The following TENM4 variants were observed in gnomAD, a reference collection of about 807,000 sequenced individuals.
TENM4 encodes the protein teneurin-4.
Under a neutral mutation model 243.3 loss-of-function variants are expected in TENM4, and 82 were observed. The ratio of observed to expected loss-of-function variants is 0.34; its 90% confidence interval spans 0.28 to 0.40. The LOEUF (loss-of-function observed/expected upper bound fraction) is 0.40. TENM4 is among the 10% of genes least tolerant of loss of function. The pLI is 1.00. For synonymous variants in TENM4, 1,412 were observed against 1,456.3 expected, an observed-to-expected ratio of 0.97 and a Z score of 0.69; for missense variants, 3,138 against 3,673.3, an observed-to-expected ratio of 0.85 and a Z score of 3.77.
Position 78,892,086 on chromosome 11 carries a change from C to A in TENM4, c.750-750G>T, listed in dbSNP as rs543841508. On this transcript the variant is annotated intron_variant, in intron 7 of 33. Transcript: ENST00000278550. ...AGGGACCTGGGTGATAACTGGCTAG[C>A]AAGGATGGAGCTCCACGGAAGACAA... Among the ~76,000 whole-genome samples, 217 of 152,254 alleles carry A rather than the reference C, an allele frequency of 1.4e-3. 2 individuals are homozygous for A. The highest frequency in any genetic ancestry group is 5.0e-3 in the African/African-American group (209 of 41,538).
intron 3 of TENM4, among the ~76,000 whole-genome samples, chr11:79,201,362 A>C (rs1271961829): frequency 7.9e-5 from 12 of 152,148 alleles, no homozygotes; most frequent in Admixed American, 7.9e-4. Flanking sequence ...TGGCTAGTCC[A>C]GCTCTGCCAT....
At chr11:79,209,741 C>T (rs1863922097) in intron 3 of TENM4, among the ~76,000 whole-genome samples, 1 of 152,204 alleles carries the variant, frequency 6.6e-6, no homozygotes, top group Admixed American at 6.5e-5. Flanking sequence ...CCGCTCCAAC[C>T]TCACCAGTCA....
intron 4 of TENM4, chr11:79,097,292 G>C (rs1164539944): frequency 6.6e-6 from 1 of 152,166 alleles, no homozygotes; most frequent in African/African-American, 2.4e-5. Flanking sequence ...TCTTTCCTTG[G>C]TTATGTTTTC....
intron 1 of TENM4, among the ~76,000 whole-genome samples, chr11:79,395,534 C>T (rs774744713): frequency 6.6e-6 from 1 of 152,178 alleles, no homozygotes; most frequent in Non-Finnish European, 1.5e-5. Context: ...CCCACTCAAT[C>T]GGTCACCAGC....
At chr11:79,127,614 T>C (rs1861908868) in intron 4 of TENM4, among the ~76,000 whole-genome samples, 1 of 152,226 alleles carries the variant, frequency 6.6e-6, no homozygotes, top group Non-Finnish European at 1.5e-5. Context: ...GTATATCAAC[T>C]CTCCAGCTTT....
intron 6 of TENM4, among the ~76,000 whole-genome samples, chr11:78,925,220 G>C (rs1856528300): frequency 6.6e-6 from 1 of 152,002 alleles, no homozygotes; most frequent in African/African-American, 2.4e-5. Context: ...CTTCAGAGTT[G>C]GATGTCTGAG....
chr11:79,214,020 C>CTA (rs1555028635), intron 3 of TENM4, among the ~76,000 whole-genome samples: 1 of 149,466 alleles, frequency 6.7e-6, no homozygotes, highest in African/African-American at 2.5e-5. Context: ...GAGGTGGAGT[C>CTA]TCTGTCTGTC....
At chr11:79,392,940 AAT>A (rs778004274) in intron 1 of TENM4, among the ~76,000 whole-genome samples, 7 of 152,278 alleles carry the variant, frequency 4.6e-5, no homozygotes, top group Middle Eastern at 6.8e-3. Context: ...CACAACTAAG[AAT>A]TTAGTGAGAA....
chr11:79,086,098 G>A (rs1284041743), intron 4 of TENM4, among the ~76,000 whole-genome samples: 1 of 152,220 alleles, frequency 6.6e-6, no homozygotes, highest in Non-Finnish European at 1.5e-5. Flanking sequence ...AAACTCTTGT[G>A]TAGTCCCCCA....
chr11:78,732,610 G>A, intron 20 of TENM4, 33 bp from the exon 21 acceptor site: 2 of 1,558,746 alleles, frequency 1.3e-6, no homozygotes, highest in Non-Finnish European at 1.7e-6. Context: ...GAAGGGGCGG[G>A]GAGCAGGAAG....
rs548328106 is a variant in TENM4 at position 79,117,564 on chromosome 11, G to A, written c.-66+31146C>T. ...TTCATCAAGCCTCCACTTCCCCTAA[G>A]GATTCTGGGGAATACTCTTCAACAA... On this transcript the variant is annotated intron_variant, in intron 4 of 33. Transcript: ENST00000278550. Among the ~76,000 whole-genome samples the A allele has an allele frequency of 5.3e-5, 8 of 152,288 alleles. 1 individual carries two copies. The South Asian group carries it at 1.7e-3, about 32-fold the overall frequency.
chr11:79,085,838 T>C (rs1214881754), intron 4 of TENM4, among the ~76,000 whole-genome samples: 1 of 152,214 alleles, frequency 6.6e-6, no homozygotes. Flanking sequence ...TACATGCTGT[T>C]TTGGCCAATT....
At chr11:79,321,858 CTGTT>C (rs998970986) in intron 1 of TENM4, among the ~76,000 whole-genome samples, 4 of 152,110 alleles carry the variant, frequency 2.6e-5, no homozygotes, top group African/African-American at 9.7e-5. Flanking sequence ...TTATCAATGA[CTGTT>C]TGGCCTGTCC....
chr11:78,753,627 T>A (rs1856240627), intron 19 of TENM4, among the ~76,000 whole-genome samples: 1 of 152,242 alleles, frequency 6.6e-6, no homozygotes. Flanking sequence ...TCCTTCCTGA[T>A]AGCTGTTTCT....
chr11:78,849,884 G>C (rs757738221), intron 12 of TENM4, among the ~76,000 whole-genome samples: 5 of 152,194 alleles, frequency 3.3e-5, no homozygotes, highest in Non-Finnish European at 5.9e-5. Flanking sequence ...AGTTCAGCTA[G>C]TGATATACAT....
intron 4 of TENM4, among the ~76,000 whole-genome samples, chr11:79,124,825 G>T (rs1370650834): frequency 1.5e-5 from 2 of 134,386 alleles, no homozygotes; most frequent in Non-Finnish European, 3.1e-5. Flanking sequence ...ATATGTATAT[G>T]TATGTGTGTG....
Position 78,672,245 on chromosome 11 carries a change from G to C in TENM4, c.5581C>G (p.Leu1861Val). Reference protein sequence around the residue: ...KIYDDHRKFTLRILYDQAGRP... With the variant: ...KIYDDHRKFTVRILYDQAGRP... ...CCCGCCTGGTCGTACAGAATCCGAAGGGTGAACTTGCGGTGGTCATCATAG... is the reference window on the plus strand; with the variant it reads ...CCCGCCTGGTCGTACAGAATCCGAACGGTGAACTTGCGGTGGTCATCATAG... The change falls in exon 31 of 34, where the codon CTT (leucine) becomes GTT (valine). Residue 1861 changes from leucine to valine, a missense_variant. Physicochemically the swap from Leu to Val is conservative, Grantham distance 32. Around this residue, in one of 2 missense-constraint regions of TENM4, gnomAD observed 2,467 missense variants for 3,059.1 expected, o/e 0.81. Coordinates refer to ENST00000278550, the MANE Select transcript of TENM4 (RefSeq NM_001098816.3). The C allele has an allele frequency of 6.2e-7, 1 of 1,614,078 alleles. No homozygotes were observed. Among genetic ancestry groups the C allele is most frequent in the Non-Finnish European group, 8.5e-7 (1 of 1,179,910 alleles).
chr11:79,235,954 G>C lies in TENM4; in HGVS notation c.-264-20045C>G, dbSNP rs111507163. Among the ~76,000 whole-genome samples, 1,004 of 152,060 alleles carry C rather than the reference G, an allele frequency of 6.6e-3. 10 individuals are homozygous for C. Among genetic ancestry groups the C allele is most frequent in the African/African-American group, 0.022 (914 of 41,452 alleles). ...GCCTGAGGTTCAAGCTCTTCCTTCT[G>C]TGCATTCATACAATGCATAGGAGAA... On this transcript the variant is annotated intron_variant, in intron 2 of 33. Transcript: ENST00000278550.
At position 78,855,951 on chromosome 11, in the gene TENM4, G is replaced by A. The variant is rs1463065912; in HGVS notation, c.1470+13C>T. ...CCCATGCAGATCAACAGGGTATGTG[G>A]GGTTCTGGTTACCTGTGTATGTGAA... On this transcript the variant is annotated intron_variant, in intron 11 of 33. Coordinates refer to ENST00000278550, the MANE Select transcript of TENM4 (RefSeq NM_001098816.3). 6.4e-7 allele frequency: 1 copy of A among 1,550,676 alleles called. No individual in the cohort carries two copies. Among genetic ancestry groups the A allele is most frequent in the Non-Finnish European group, 8.7e-7 (1 of 1,146,790 alleles).
Sources: gnomAD v4.1 joint callset for allele counts (sites outside exome capture counted in the v4.1 genomes callset) on GRCh38, gnomAD v4.1.1 for gene constraint, gnomAD v4.1.1 regional missense constraint, MANE v1.5 for transcripts, NCBI Gene and HGNC (gene_info 2026-07-23, HGNC 2026-07-21) for gene names.